The following PLXDC2 variants were observed in gnomAD, a reference collection of about 807,000 sequenced individuals.
The protein encoded by PLXDC2 is plexin domain-containing protein 2.
In PLXDC2, 40 loss-of-function variants were observed where a neutral mutation model predicts 68.9. That is an observed-to-expected ratio of 0.58 (90% CI 0.45 to 0.76). PLXDC2 has a LOEUF of 0.76. PLXDC2 is among the 30% of genes least tolerant of loss of function. The pLI is 0.00. For synonymous variants in PLXDC2, 243 were observed against 234.2 expected, an observed-to-expected ratio of 1.04 and a Z score of -0.34; for missense variants, 644 against 661.9, an observed-to-expected ratio of 0.97 and a Z score of 0.30.
chr10:20,009,122 T>G (rs560461760), intron 2 of PLXDC2, among the ~76,000 whole-genome samples: 1 of 152,324 alleles, frequency 6.6e-6, no homozygotes, highest in South Asian at 2.1e-4. Context: ...ACAGTTACAA[T>G]AATGAATGTA....
intron 13 of PLXDC2, among the ~76,000 whole-genome samples, chr10:20,261,951 G>T (rs1420483300): frequency 1.3e-5 from 2 of 152,192 alleles, no homozygotes; most frequent in Non-Finnish European, 2.9e-5. Flanking sequence ...GGAGTGGCCA[G>T]CATGGCCAAC....
chr10:20,059,317 A>G (rs1402758245), intron 3 of PLXDC2, among the ~76,000 whole-genome samples: 1 of 120,744 alleles, frequency 8.3e-6, no homozygotes, highest in Non-Finnish European at 1.7e-5. Flanking sequence ...CACATAACTA[A>G]TATGAATAAT....
chr10:20,147,810 C>G lies in PLXDC2; in HGVS notation c.691C>G (p.His231Asp). The G allele has an allele frequency of 6.2e-7, 1 of 1,612,710 alleles. No homozygotes were observed. The highest frequency in any genetic ancestry group is 8.5e-7 in the Non-Finnish European group (1 of 1,178,850). The change falls in exon 6 of 14, where the codon CAT (histidine) becomes GAT (aspartate). Residue 231 changes from histidine to aspartate, a missense_variant. His to Asp is a moderately conservative substitution (Grantham distance 81). Around this residue, in one of 3 missense-constraint regions of PLXDC2, gnomAD observed 113 missense variants for 167.1 expected, o/e 0.68. Coordinates refer to ENST00000377252, the MANE Select transcript of PLXDC2 (RefSeq NM_032812.9). ...NGTALVVQWD[H>D]VHLQDNYNLG... ...CACAGCACTTGTGGTCCAGTGGGACCATGTACATCTCCAGGATAATTATAA... is the reference window on the plus strand; with the variant it reads ...CACAGCACTTGTGGTCCAGTGGGACGATGTACATCTCCAGGATAATTATAA...
At chr10:19,882,935 ATTT>A (rs11347602) in intron 1 of PLXDC2, among the ~76,000 whole-genome samples, 7 of 112,024 alleles carry the variant, frequency 6.2e-5, no homozygotes, top group South Asian at 2.6e-4. Flanking sequence ...GGCAATTAAA[ATTT>A]TTTTTTTTTT....
intron 2 of PLXDC2, among the ~76,000 whole-genome samples, chr10:20,041,952 C>T (rs564295802): frequency 3.3e-5 from 5 of 152,114 alleles, no homozygotes; most frequent in Non-Finnish European, 7.4e-5. Context: ...ATTATTTAAC[C>T]TTAATTACCT....
chr10:19,896,247 C>T (rs1838056596), intron 1 of PLXDC2, among the ~76,000 whole-genome samples: 1 of 152,222 alleles, frequency 6.6e-6, no homozygotes, highest in Non-Finnish European at 1.5e-5. Flanking sequence ...ACAACCTTAG[C>T]TTTGCACACA....
chr10:20,255,652 G>A (rs896063146), intron 13 of PLXDC2, among the ~76,000 whole-genome samples: 3 of 151,816 alleles, frequency 2.0e-5, no homozygotes, highest in Non-Finnish European at 4.4e-5. Context: ...TTATTATTAC[G>A]GCATATTCTG....
At position 20,178,873 on chromosome 10, in the gene PLXDC2, A is replaced by C. The variant is rs758601009; in HGVS notation, c.1061+1464A>C. Among the ~76,000 whole-genome samples, 8 of 152,150 alleles carry C rather than the reference A, an allele frequency of 5.3e-5. 1 individual carries two copies. Among genetic ancestry groups the C allele is most frequent in the Middle Eastern group, 6.8e-3 (2 of 294 alleles). On this transcript the variant is annotated intron_variant, in intron 9 of 13. Transcript: ENST00000377252. ...AATTCCAAATAATAAAAAAGCAAGC[A>C]GGTAGTTTGCAGTTTTAAAAGGAGA...
In PLXDC2 at chr10:20,287,985, A is replaced by AGGG. The variant is rs1176860580; in HGVS notation, c.*8175_*8177dup. The stretch of plus-strand genomic sequence containing the variant: ...AATTGGGCACTTCTTGCGGCGGGGG[A>AGGG]GGGGGGGGGGGCGGTGGCTTTCCAG... On this transcript the variant is annotated 3_prime_UTR_variant, in exon 14 of 14. Coordinates refer to ENST00000377252, the MANE Select transcript of PLXDC2 (RefSeq NM_032812.9). 19 of 33,198 alleles carry AGGG rather than the reference A, an allele frequency of 5.7e-4. No individual in the cohort carries two copies. Among genetic ancestry groups the AGGG allele is most frequent in the Admixed American group, 1.5e-3 (5 of 3,288 alleles). 2.1% of individuals were successfully genotyped at this position (33,198 alleles called of 1,614,324 possible).
intron 1 of PLXDC2, among the ~76,000 whole-genome samples, chr10:19,943,694 G>T (rs1021955835): frequency 6.6e-6 from 1 of 152,118 alleles, no homozygotes; most frequent in Non-Finnish European, 1.5e-5. Context: ...AATACTTCAA[G>T]TAGGAACAGT....
chr10:19,843,054 T>G (rs1169794406), intron 1 of PLXDC2, among the ~76,000 whole-genome samples: 1 of 148,736 alleles, frequency 6.7e-6, no homozygotes, highest in East Asian at 1.9e-4. Flanking sequence ...TTTTAACTTA[T>G]GTCATATTTT....
intron 1 of PLXDC2, among the ~76,000 whole-genome samples, chr10:19,951,709 T>A (rs984198172): frequency 6.6e-6 from 1 of 152,216 alleles, no homozygotes; most frequent in Non-Finnish European, 1.5e-5. Context: ...GTATGTTCGT[T>A]GCAGCACTAT....
chr10:19,819,802 A>T (rs1480071515), intron 1 of PLXDC2, among the ~76,000 whole-genome samples: 3 of 152,224 alleles, frequency 2.0e-5, no homozygotes, highest in African/African-American at 7.2e-5. Context: ...ACTTTGAAAT[A>T]TTACTCATTT....
chr10:20,164,685 T>A, intron 7 of PLXDC2, 118 bp downstream of exon 7: 1 of 748,310 alleles, frequency 1.3e-6, no homozygotes, highest in Non-Finnish European at 2.3e-6. Context: ...ATTAGCTGAT[T>A]AATGCTTGTT....
chr10:20,048,242 G>A (rs1564295778), intron 3 of PLXDC2, among the ~76,000 whole-genome samples: 2 of 152,074 alleles, frequency 1.3e-5, no homozygotes, highest in Non-Finnish European at 2.9e-5. Flanking sequence ...GAGATCCATT[G>A]CTAAAAGCTA....
At chr10:20,225,930 A>G (rs777219184) in intron 12 of PLXDC2, among the ~76,000 whole-genome samples, 2 of 152,178 alleles carry the variant, frequency 1.3e-5, no homozygotes, top group Admixed American at 6.5e-5. Flanking sequence ...GTTAAAATGC[A>G]TATGCTGATA....
chr10:19,842,568 G>C (rs140452268), intron 1 of PLXDC2, among the ~76,000 whole-genome samples: 2 of 152,010 alleles, frequency 1.3e-5, no homozygotes, highest in African/African-American at 4.8e-5. Flanking sequence ...TTTCCCACTG[G>C]TTTGAGTCAC....
chr10:19,960,221 C>A (rs1484308230), intron 1 of PLXDC2, among the ~76,000 whole-genome samples: 5 of 144,754 alleles, frequency 3.5e-5, no homozygotes, highest in Admixed American at 2.8e-4. Context: ...AAAAATTAGC[C>A]AGGGTGGTAG....
At chr10:20,076,900 C>G (rs1451018136) in intron 4 of PLXDC2, among the ~76,000 whole-genome samples, 1 of 152,168 alleles carries the variant, frequency 6.6e-6, no homozygotes, top group Non-Finnish European at 1.5e-5. Flanking sequence ...GGGACACTGT[C>G]TGGAAACCTT....
Sources: allele counts gnomAD v4.1 joint callset (sites outside exome capture counted in the v4.1 genomes callset), GRCh38; gene constraint gnomAD v4.1.1; regional missense constraint gnomAD v4.1.1; transcripts MANE v1.5; gene names NCBI Gene and HGNC (gene_info 2026-07-23, HGNC 2026-07-21).